The following TSPEAR variants were observed in gnomAD, a reference collection of about 807,000 sequenced individuals.
TSPEAR encodes thrombospondin-type laminin G domain and EAR repeat-containing protein.
A neutral mutation model predicts 71.6 loss-of-function variants in TSPEAR; 69 were observed. The ratio of observed to expected loss-of-function variants is 0.96; its 90% CI spans 0.79 to 1.18. The LOEUF is 1.18. TSPEAR is among the 50% of genes most tolerant of loss of function. The pLI is 0.00. For missense variants in TSPEAR, 971 were observed against 894.9 expected (o/e 1.09, Z -1.09); for synonymous variants, 402 against 387.2 (o/e 1.04, Z -0.45).
In TSPEAR at chr21:44,638,071, C is replaced by T. The variant is rs1378345521; in HGVS notation, c.83-70066G>A. 3.7e-6 allele frequency: 6 copies of T among 1,613,168 alleles called. 1 individual carries two copies. The African/African-American group carries it at 5.3e-5, about 14-fold the overall frequency. On this transcript the variant is annotated intron_variant, in intron 1 of 11. Coordinates refer to ENST00000323084, the MANE Select transcript of TSPEAR (RefSeq NM_144991.3). ...GTGCCTCTGCCTCCTCCTGCCAGCC[C>T]AGCTGCTGCCGCACGGCCTCCTGTG...
intron 1 of TSPEAR, among the ~76,000 whole-genome samples, chr21:44,674,535 G>A (rs117434156): frequency 0.039 from 5,924 of 152,134 alleles, 153 homozygotes; most frequent in Non-Finnish European, 0.062. Context: ...CGGGCAACAT[G>A]GCAAACACCC....
chr21:44,651,738 G>A (rs1555941463), intron 1 of TSPEAR, among the ~76,000 whole-genome samples: 3 of 152,288 alleles, frequency 2.0e-5, no homozygotes, highest in East Asian at 3.9e-4. Flanking sequence ...AGCCACACGT[G>A]TGAAGTCCCT....
At chr21:44,535,221 AATTTTACATTACGTGT>A (rs1468852354) in intron 2 of TSPEAR, among the ~76,000 whole-genome samples, 1 of 152,114 alleles carries the variant, frequency 6.6e-6, no homozygotes, top group Non-Finnish European at 1.5e-5. Flanking sequence ...TTCGATGGTA[AATTTTACATTACGTGT>A]ATTTTACCAC....
intron 1 of TSPEAR, among the ~76,000 whole-genome samples, chr21:44,569,607 T>C (rs947930283): frequency 6.6e-6 from 1 of 152,066 alleles, no homozygotes; most frequent in Non-Finnish European, 1.5e-5. Context: ...GAAGAAAGTG[T>C]GGCCTGCTTT....
rs587639478 is a variant in TSPEAR, at chr21:44,558,214, A to G, written c.303+9571T>C. 5.9e-5 allele frequency: 92 copies of G among 1,564,610 alleles called. No homozygotes were observed. The highest frequency in any genetic ancestry group is 5.2e-4 in the Admixed American group (30 of 57,294). ...GAGGGGATGGGCACACAGCAGGTGG[A>G]CCTGCACACGGGGCGGCAGAGGAGG... On this transcript the variant is annotated intron_variant, in intron 2 of 11. Transcript: ENST00000323084.
At chr21:44,537,259 A>C (rs1231234602) in intron 2 of TSPEAR, among the ~76,000 whole-genome samples, 1 of 152,000 alleles carries the variant, frequency 6.6e-6, no homozygotes, top group African/African-American at 2.4e-5. Flanking sequence ...TTCCTCCTAC[A>C]TATTTAAAAG....
At chr21:44,597,001 G>A (rs587647887) in intron 1 of TSPEAR, among the ~76,000 whole-genome samples, 5 of 151,888 alleles carry the variant, frequency 3.3e-5, no homozygotes, top group East Asian at 1.9e-4. Flanking sequence ...TAGTTTTATC[G>A]GTTTTTTAAA....
chr21:44,615,983 G>C lies in TSPEAR; in HGVS notation c.83-47978C>G, dbSNP rs369993261. On this transcript the variant is annotated intron_variant, in intron 1 of 11. Coordinates refer to ENST00000323084, the MANE Select transcript of TSPEAR (RefSeq NM_144991.3). ...GGGACGCCAAAGCCACTGTCAGGAG[G>C]TGCTTGAGCAACAGGGTGTCCCCAC... Among the ~76,000 whole-genome samples the C allele has an allele frequency of 2.0e-5, 3 of 152,348 alleles. No homozygotes were observed. The East Asian group carries it at 5.8e-4, about 29-fold the overall frequency.
At chr21:44,703,843 G>T (rs1185316761) in intron 1 of TSPEAR, among the ~76,000 whole-genome samples, 1 of 152,048 alleles carries the variant, frequency 6.6e-6, no homozygotes, top group Non-Finnish European at 1.5e-5. Flanking sequence ...CGCCAGAGCC[G>T]CCTCCTCACC....
At chr21:44,602,633 C>A (rs1298033588) in intron 1 of TSPEAR, among the ~76,000 whole-genome samples, 1 of 152,238 alleles carries the variant, frequency 6.6e-6, no homozygotes, top group Non-Finnish European at 1.5e-5. Flanking sequence ...ACACCCACAT[C>A]CCTGCTGGGA....
At chr21:44,637,763 G>T (rs60500206) in intron 1 of TSPEAR, 1 of 1,353,094 alleles carries the variant, frequency 7.4e-7, no homozygotes, top group Admixed American at 2.1e-5. Flanking sequence ...TGTGTGCTTC[G>T]TGCCTACCTG....
intron 10 of TSPEAR, chr21:44,508,621 C>A: frequency 2.5e-6 from 3 of 1,182,788 alleles, no homozygotes; most frequent in Non-Finnish European, 3.2e-6. Context: ...GTGGTGCCCA[C>A]GCAACCTCCT....
intron 9 of TSPEAR, among the ~76,000 whole-genome samples, chr21:44,510,147 T>A (rs993899280): frequency 1.3e-5 from 2 of 152,082 alleles, no homozygotes; most frequent in Admixed American, 1.3e-4. Context: ...TGTCTGCATG[T>A]GGGGTCCACA....
At position 44,499,873 on chromosome 21, in the gene TSPEAR, C is replaced by T. The variant is rs781928408; in HGVS notation, c.1920G>A (p.Trp640Ter). ...CACCAGCCGTGGTGCTGAAGGCCTC[C>T]CAGTCCCTGCAGCCGACGGTGGGGA... ...HSLPTVGCRD[W>*]EAFSTTAGAY... The change falls in exon 12 of 12, where the codon TGG becomes TGA. Residue 640 changes from tryptophan to a stop codon, truncating the protein, a stop_gained. Transcript: ENST00000323084. LOFTEE classifies it high-confidence loss of function. The T allele has an allele frequency of 2.5e-6, 4 of 1,606,054 alleles. No individual in the cohort carries two copies. Among genetic ancestry groups the T allele is most frequent in the Non-Finnish European group, 3.4e-6 (4 of 1,177,308 alleles).
Position 44,521,908 on chromosome 21 carries a change from G to T in TSPEAR, c.1541C>A (p.Ser514Tyr). 6.2e-7 allele frequency: 1 copy of T among 1,613,916 alleles called. No individual in the cohort carries two copies. The highest frequency in any genetic ancestry group is 1.6e-4 in the Middle Eastern group (1 of 6,062). ...CGGGAAGGACTGGAAGAGCTGGAAG[G>T]AGCCCAGGAGTCGGATGTAGAGGTG... ...HSHLYIRLLG[S>Y]FQLFQSFPTF... The change falls in exon 9 of 12, where the codon TCC becomes TAC. Residue 514 changes from serine to tyrosine, a missense_variant. Coordinates refer to ENST00000323084, the MANE Select transcript of TSPEAR (RefSeq NM_144991.3).
intron 3 of TSPEAR, 96 bp downstream of exon 3, chr21:44,533,589 C>A: frequency 6.6e-6 from 7 of 1,052,814 alleles, no homozygotes; most frequent in Non-Finnish European, 8.3e-6. Context: ...CCCAGGACAG[C>A]TCCTGCAGGT....
intron 2 of TSPEAR, among the ~76,000 whole-genome samples, chr21:44,544,163 G>A (rs2053264608): frequency 6.6e-6 from 1 of 152,152 alleles, no homozygotes; most frequent in African/African-American, 2.4e-5. Flanking sequence ...TGTGAAACAT[G>A]TTTCCATGTG....
rs587741736 is a variant in TSPEAR at position 44,510,083 on chromosome 21, T to C, written c.1567-697A>G. ...CGTCAAGAGGCAACAGGTCTGGGGCTGCACACGGAGGCCCAACTGCGGCAC... is the reference window on the plus strand; with the variant it reads ...CGTCAAGAGGCAACAGGTCTGGGGCCGCACACGGAGGCCCAACTGCGGCAC... On this transcript the variant is annotated intron_variant, in intron 9 of 11. Coordinates refer to ENST00000323084, the MANE Select transcript of TSPEAR (RefSeq NM_144991.3). Among the ~76,000 whole-genome samples the C allele has an allele frequency of 7.2e-5, 11 of 152,334 alleles. No homozygotes were observed. The East Asian group carries it at 1.9e-3, about 27-fold the overall frequency.
chr21:44,550,493 G>C, intron 2 of TSPEAR: 1 of 825,930 alleles, frequency 1.2e-6, no homozygotes, highest in Non-Finnish European at 1.9e-6. Flanking sequence ...AGGAAGCACC[G>C]TGAGGAGAAG....
Sources: gnomAD v4.1 joint callset for allele counts (sites outside exome capture counted in the v4.1 genomes callset) on GRCh38, gnomAD v4.1.1 for gene constraint, MANE v1.5 for transcripts, NCBI Gene and HGNC (gene_info 2026-07-23, HGNC 2026-07-21) for gene names.